CREB5: variants seen among roughly 807,000 people sequenced by gnomAD.
CREB5 encodes cAMP responsive element binding protein 5.
In CREB5, 19 loss-of-function variants were observed where a neutral mutation model predicts 57.1. The ratio of observed to expected loss-of-function variants is 0.33; its 90% CI spans 0.23 to 0.49. The LOEUF (loss-of-function observed/expected upper bound fraction) is 0.49. Among genes scored for constraint, CREB5 ranks in the 20% least tolerant of loss-of-function variants. The pLI, the probability that CREB5 is intolerant of heterozygous loss-of-function variation, is 0.99. For missense variants in CREB5, 579 were observed against 671.6 expected (o/e 0.86, Z 1.52); for synonymous variants, 238 against 238.3 (o/e 1.00, Z 0.01).
intron 5 of CREB5, among the ~76,000 whole-genome samples, chr7:28,657,091 T>C (rs1456817349): frequency 6.6e-6 from 1 of 152,104 alleles, no homozygotes; most frequent in Non-Finnish European, 1.5e-5. Context: ...ACATAATCCC[T>C]CCTGAAAATA....
At chr7:28,804,673 G>A (rs991330837) in intron 8 of CREB5, 151 bp downstream of exon 8, 4 of 945,432 alleles carry the variant, frequency 4.2e-6, no homozygotes, top group Non-Finnish European at 6.5e-6. Context: ...TAGGAGGCAA[G>A]CCTTACCCAT....
intron 1 of CREB5, among the ~76,000 whole-genome samples, chr7:28,447,757 A>G (rs1789558329): frequency 6.6e-6 from 1 of 152,114 alleles, no homozygotes; most frequent in Non-Finnish European, 1.5e-5. Flanking sequence ...GTGGCTTCTG[A>G]TGACACAACT....
At chr7:28,710,590 C>G (rs1321500274) in intron 5 of CREB5, among the ~76,000 whole-genome samples, 2 of 152,020 alleles carry the variant, frequency 1.3e-5, no homozygotes, top group African/African-American at 4.8e-5. Flanking sequence ...GAGTTTTAAG[C>G]CCACCTGGGC....
intron 4 of CREB5, among the ~76,000 whole-genome samples, chr7:28,563,204 C>T (rs1583635249): frequency 6.6e-6 from 1 of 152,246 alleles, no homozygotes. Flanking sequence ...GAGCAGCCAC[C>T]AGACTGTACA....
At chr7:28,574,790 G>C (rs769329085) in intron 5 of CREB5, among the ~76,000 whole-genome samples, 2 of 152,144 alleles carry the variant, frequency 1.3e-5, no homozygotes, top group Non-Finnish European at 2.9e-5. Flanking sequence ...AGGAAACTCA[G>C]AAATATGTTC....
intron 4 of CREB5, among the ~76,000 whole-genome samples, chr7:28,560,545 C>T (rs1191777444): frequency 2.0e-5 from 3 of 152,050 alleles, no homozygotes; most frequent in Non-Finnish European, 4.4e-5. Flanking sequence ...AGGAACCAGG[C>T]TCCTATATCA....
intron 7 of CREB5, among the ~76,000 whole-genome samples, chr7:28,746,662 A>G (rs1302584642): frequency 6.6e-6 from 1 of 152,196 alleles, no homozygotes; most frequent in East Asian, 1.9e-4. Context: ...GTTTCTTCCT[A>G]TCAAGTCCTT....
In CREB5 at chr7:28,335,430, C is replaced by T. The variant is rs530259438; in HGVS notation, c.-25+35989C>T. Among the ~76,000 whole-genome samples, 39 of 151,778 alleles carry T rather than the reference C, an allele frequency of 2.6e-4. No individual in the cohort carries two copies. In the South Asian group the frequency reaches 7.7e-3, roughly 30 times the overall value. ...TTTCACTTCTTTGGTTAAATTAATT[C>T]CTAGGTATTTAATTTGATTTGTTGC... On this transcript the variant is annotated intron_variant, in intron 1 of 9. Coordinates refer to the CREB5 transcript ENST00000396299.
chr7:28,757,455 G>A (rs533877885), intron 7 of CREB5, among the ~76,000 whole-genome samples: 1 of 152,234 alleles, frequency 6.6e-6, no homozygotes, highest in South Asian at 2.1e-4. Context: ...GGCAGATCAC[G>A]AGGTCAGGAG....
chr7:28,627,754 C>T (rs1039076915), intron 5 of CREB5, among the ~76,000 whole-genome samples: 1 of 152,120 alleles, frequency 6.6e-6, no homozygotes, highest in African/African-American at 2.4e-5. Flanking sequence ...TGGCCATATC[C>T]TCTTCTTTTC....
At chr7:28,480,908 CA>C (rs1365485143) in intron 1 of CREB5, among the ~76,000 whole-genome samples, 1 of 151,876 alleles carries the variant, frequency 6.6e-6, no homozygotes, top group African/African-American at 2.4e-5. Flanking sequence ...TTATGTGAAA[CA>C]AAAATCAGAA....
chr7:28,677,401 G>T (rs1293952635), intron 5 of CREB5, among the ~76,000 whole-genome samples: 3 of 152,038 alleles, frequency 2.0e-5, no homozygotes, highest in Non-Finnish European at 4.4e-5. Flanking sequence ...CTATTCCCCA[G>T]ACATTCTCAG....
At chr7:28,351,079 A>G (rs1412202735) in intron 1 of CREB5, among the ~76,000 whole-genome samples, 1 of 152,184 alleles carries the variant, frequency 6.6e-6, no homozygotes, top group Non-Finnish European at 1.5e-5. Context: ...CATTCTAAAG[A>G]TGGATTATAT....
intron 7 of CREB5, among the ~76,000 whole-genome samples, chr7:28,752,946 G>A (rs1022178396): frequency 3.6e-5 from 5 of 138,276 alleles, no homozygotes; most frequent in Non-Finnish European, 8.3e-5. Context: ...AAATACACAT[G>A]TTTTGTGGAA....
At chr7:28,567,082 C>T (rs1375793820) in intron 4 of CREB5, among the ~76,000 whole-genome samples, 1 of 152,086 alleles carries the variant, frequency 6.6e-6, no homozygotes, top group Non-Finnish European at 1.5e-5. Context: ...TGTCTTTTTC[C>T]ATGGTGGATG....
chr7:28,357,427 A>G (rs1786368702), intron 1 of CREB5, among the ~76,000 whole-genome samples: 1 of 152,236 alleles, frequency 6.6e-6, no homozygotes, highest in Non-Finnish European at 1.5e-5. Flanking sequence ...GAAGGGAGGT[A>G]TAGTAAATTT....
intron 7 of CREB5, among the ~76,000 whole-genome samples, chr7:28,757,470 A>G (rs568990396): frequency 6.6e-6 from 1 of 152,154 alleles, no homozygotes; most frequent in Non-Finnish European, 1.5e-5. Flanking sequence ...CAGGAGATCG[A>G]GACCATCCTG....
At chr7:28,669,991 G>T (rs1284330486) in intron 5 of CREB5, among the ~76,000 whole-genome samples, 1 of 152,162 alleles carries the variant, frequency 6.6e-6, no homozygotes, top group Non-Finnish European at 1.5e-5. Flanking sequence ...CTTTGACCGT[G>T]TTCTCATGTT....
intron 5 of CREB5, among the ~76,000 whole-genome samples, chr7:28,623,163 A>G (rs1406476088): frequency 6.6e-6 from 1 of 152,114 alleles, no homozygotes; most frequent in African/African-American, 2.4e-5. Context: ...AATTACAGGC[A>G]TGAGCCACTG....
Sources: allele counts gnomAD v4.1 joint callset (sites outside exome capture counted in the v4.1 genomes callset), GRCh38; gene constraint gnomAD v4.1.1; transcripts MANE v1.5; gene names NCBI Gene and HGNC (gene_info 2026-07-23, HGNC 2026-07-21).